The following ADCY2 variants were observed in gnomAD, a reference collection of about 807,000 sequenced individuals.
ADCY2 encodes adenylate cyclase type 2.
A neutral mutation model predicts 125.2 loss-of-function variants in ADCY2; 31 were observed. The observed-to-expected ratio is 0.25, with a 90% CI of 0.19 to 0.33. ADCY2 has a LOEUF of 0.33. Among genes scored for constraint, ADCY2 ranks in the 10% least tolerant of loss-of-function variants. ADCY2 has a pLI of 1.00. For missense variants in ADCY2, 904 were observed against 1,418.2 expected (o/e 0.64, Z 5.82); for synonymous variants, 512 against 548.4 (o/e 0.93, Z 0.93).
chr5:7,732,659 T>G (rs1742139656), intron 14 of ADCY2, among the ~76,000 whole-genome samples: 1 of 152,202 alleles, frequency 6.6e-6, no homozygotes, highest in African/African-American at 2.4e-5. Context: ...TCATTAATTA[T>G]ACTTTTGCTT....
At chr5:7,810,939 A>C (rs1210455550) in intron 22 of ADCY2, among the ~76,000 whole-genome samples, 1 of 152,204 alleles carries the variant, frequency 6.6e-6, no homozygotes, top group Non-Finnish European at 1.5e-5. Flanking sequence ...GATCTTTTTC[A>C]AACAAATTTT....
At chr5:7,744,698 C>T (rs996005291) in intron 15 of ADCY2, among the ~76,000 whole-genome samples, 1 of 152,272 alleles carries the variant, frequency 6.6e-6, no homozygotes, top group Non-Finnish European at 1.5e-5. Flanking sequence ...CCACTCTGAG[C>T]TTCTCAGCAG....
chr5:7,418,647 G>GTTTTTTTGTTTTTTTTTT (rs1740054008), intron 2 of ADCY2, among the ~76,000 whole-genome samples: 1 of 73,750 alleles, frequency 1.4e-5, no homozygotes, highest in African/African-American at 6.2e-5. Context: ...TCTACCTTCT[G>GTTTTTTTGTTTTTTTTTT]TTTTTTTTTT....
chr5:7,705,552 G>A (rs991900716), intron 7 of ADCY2, among the ~76,000 whole-genome samples: 4 of 152,138 alleles, frequency 2.6e-5, no homozygotes, highest in South Asian at 2.1e-4. Flanking sequence ...AGCAGAGTCC[G>A]GAGGTGGGGA....
At chr5:7,679,894 G>A (rs577956332) in intron 4 of ADCY2, among the ~76,000 whole-genome samples, 41 of 152,246 alleles carry the variant, frequency 2.7e-4, no homozygotes, top group Middle Eastern at 3.4e-3. Flanking sequence ...CCAGAATAGA[G>A]ATATGTCACT....
intron 15 of ADCY2, among the ~76,000 whole-genome samples, chr5:7,750,278 T>A (rs996275416): frequency 3.3e-5 from 5 of 152,152 alleles, no homozygotes; most frequent in Non-Finnish European, 7.3e-5. Context: ...GTTTTTTCAG[T>A]TATTACCTTA....
chr5:7,570,526 T>A (rs888302194), intron 3 of ADCY2, among the ~76,000 whole-genome samples: 12 of 143,542 alleles, frequency 8.4e-5, no homozygotes, highest in African/African-American at 2.9e-4. Flanking sequence ...TAGGAGTGAC[T>A]AAAAGTGGAC....
intron 1 of ADCY2, among the ~76,000 whole-genome samples, chr5:7,410,145 G>A (rs1241285874): frequency 2.0e-5 from 3 of 152,088 alleles, no homozygotes; most frequent in Admixed American, 1.3e-4. Flanking sequence ...TGAAGAAGCC[G>A]GCTGAGGGAC....
At chr5:7,806,138 TA>T (rs555939691) in intron 22 of ADCY2, among the ~76,000 whole-genome samples, 17 of 152,078 alleles carry the variant, frequency 1.1e-4, no homozygotes, top group African/African-American at 4.1e-4. Context: ...ATTAAAGTGT[TA>T]AAAAAATTGA....
At chr5:7,464,494 T>A (rs1029135759) in intron 2 of ADCY2, among the ~76,000 whole-genome samples, 1 of 152,202 alleles carries the variant, frequency 6.6e-6, no homozygotes, top group Non-Finnish European at 1.5e-5. Flanking sequence ...GCCCAATTCC[T>A]AACCCACAAA....
At chr5:7,602,180 T>G (rs1737234639) in intron 3 of ADCY2, among the ~76,000 whole-genome samples, 1 of 152,210 alleles carries the variant, frequency 6.6e-6, no homozygotes, top group Admixed American at 6.5e-5. Context: ...AAAGGTACAA[T>G]TTTTTCCAAG....
intron 4 of ADCY2, among the ~76,000 whole-genome samples, chr5:7,658,678 T>C (rs1739426915): frequency 6.6e-6 from 1 of 152,042 alleles, no homozygotes; most frequent in African/African-American, 2.4e-5. Flanking sequence ...TTAGTCAGAG[T>C]TCTCCAGAGA....
intron 17 of ADCY2, among the ~76,000 whole-genome samples, chr5:7,770,561 T>C (rs1743524475): frequency 6.6e-6 from 1 of 152,200 alleles, no homozygotes; most frequent in Non-Finnish European, 1.5e-5. Context: ...TCTGAACTCT[T>C]TTGTTACTTA....
At chr5:7,588,414 TG>T (rs1193076230) in intron 3 of ADCY2, among the ~76,000 whole-genome samples, 11 of 152,358 alleles carry the variant, frequency 7.2e-5, no homozygotes, top group Non-Finnish European at 1.5e-4. Context: ...GGGCCTTTTT[TG>T]GTAACTGGAT....
intron 4 of ADCY2, among the ~76,000 whole-genome samples, chr5:7,626,994 TGG>T (rs1354271234): frequency 6.6e-6 from 1 of 152,194 alleles, no homozygotes; most frequent in Non-Finnish European, 1.5e-5. Flanking sequence ...AACAAGTGGC[TGG>T]GGAAGTCAAA....
At chr5:7,613,061 G>T (rs1205473298) in intron 3 of ADCY2, among the ~76,000 whole-genome samples, 1 of 151,892 alleles carries the variant, frequency 6.6e-6, no homozygotes, top group African/African-American at 2.4e-5. Flanking sequence ...TAATGTAAAT[G>T]ATGAGTTAAT....
At chr5:7,528,388 C>T (rs1734540889) in intron 3 of ADCY2, among the ~76,000 whole-genome samples, 1 of 149,584 alleles carries the variant, frequency 6.7e-6, no homozygotes, top group South Asian at 2.2e-4. Context: ...AGACATGGAA[C>T]TTTCATGTTG....
At chr5:7,627,027 G>A (rs573401776) in intron 4 of ADCY2, among the ~76,000 whole-genome samples, 1 of 152,292 alleles carries the variant, frequency 6.6e-6, no homozygotes, top group South Asian at 2.1e-4. Context: ...TCGTGAAAAT[G>A]CTCACTTCTG....
At chr5:7,590,606 A>ACCTTAATAG (rs1225241370) in intron 3 of ADCY2, among the ~76,000 whole-genome samples, 1 of 152,056 alleles carries the variant, frequency 6.6e-6, no homozygotes, top group Non-Finnish European at 1.5e-5. Context: ...CTCTGTAGAT[A>ACCTTAATAG]CCTTAATAGT....
Sources: allele counts gnomAD v4.1 joint callset (sites outside exome capture counted in the v4.1 genomes callset), GRCh38; gene constraint gnomAD v4.1.1; transcripts MANE v1.5; gene names NCBI Gene and HGNC (gene_info 2026-07-23, HGNC 2026-07-21).